PDE4D: variants seen among roughly 807,000 people sequenced by gnomAD.
PDE4D encodes the protein 3',5'-cyclic-AMP phosphodiesterase 4D.
In PDE4D, 24 loss-of-function variants were observed where a neutral mutation model predicts 87.4. That is an observed-to-expected ratio of 0.27 (90% CI 0.20 to 0.39). PDE4D has a LOEUF of 0.39. PDE4D is among the 10% of genes least tolerant of loss of function. The pLI, the probability that PDE4D is intolerant of heterozygous loss-of-function variation, is 1.00. For synonymous variants in PDE4D, 384 were observed against 383.2 expected (o/e 1.00, Z -0.02); for missense variants, 714 against 1,041.0 (o/e 0.69, Z 4.32).
chr5:60,507,551 T>C (rs1750377942), intron 1 of PDE4D, among the ~76,000 whole-genome samples: 1 of 152,136 alleles, frequency 6.6e-6, no homozygotes, highest in Admixed American at 6.6e-5. Context: ...AAGTGGAAAA[T>C]GTCTTTTTAG....
rs901083094 is a variant in PDE4D, at chr5:58,974,483, G to A, written c.*181C>T. 1.3e-5 allele frequency: 6 copies of A among 452,156 alleles called. No individual in the cohort carries two copies. Among genetic ancestry groups the A allele is most frequent in the Non-Finnish European group, 2.3e-5 (6 of 258,278 alleles). 28.0% of individuals were successfully genotyped at this position (452,156 alleles called of 1,614,324 possible). A position where few individuals can be genotyped will look rare whatever the true frequency, so the allele number is the denominator to read the frequency against. On this transcript the variant is annotated 3_prime_UTR_variant, in exon 15 of 15. Coordinates refer to ENST00000340635, the MANE Select transcript of PDE4D (RefSeq NM_001104631.2). ...GATGTCCACCTTGCTCGGATGACATGGAGGTGAAAAAACTGGTTACGATAT... is the reference window on the plus strand; with the variant it reads ...GATGTCCACCTTGCTCGGATGACATAGAGGTGAAAAAACTGGTTACGATAT...
intron 1 of PDE4D, chr5:59,276,228 T>C: frequency 1.4e-6 from 1 of 698,742 alleles, no homozygotes; most frequent in Non-Finnish European, 1.8e-6. Context: ...ACCAGCACTG[T>C]AAACCGGCCA....
In PDE4D at chr5:60,518,036, C is replaced by T. The variant is rs1309154576; in HGVS notation, n.70+4015G>A. Among the ~76,000 whole-genome samples, 3 of 152,256 alleles carry T rather than the reference C, an allele frequency of 2.0e-5. No individual in the cohort carries two copies. The East Asian group carries it at 5.8e-4, about 29-fold the overall frequency. On this transcript the variant is annotated intron_variant and non_coding_transcript_variant, in intron 1 of 2. Coordinates refer to the PDE4D transcript ENST00000506510. ...TTCCTGGCGTCTCCAAGCTTCCAGG[C>T]ACCACCACATTCCCGGGTGCCAGCA... is the stretch of plus-strand genomic sequence containing the variant.
intron 5 of PDE4D, among the ~76,000 whole-genome samples, chr5:59,126,701 T>G (rs1266804728): frequency 7.9e-5 from 12 of 152,234 alleles, no homozygotes; most frequent in African/African-American, 2.9e-4. Context: ...TGTGCCTATG[T>G]CCTTTTGTTT....
intron 1 of PDE4D, among the ~76,000 whole-genome samples, chr5:60,500,726 C>T (rs963145872): frequency 1.2e-4 from 19 of 152,200 alleles, no homozygotes; most frequent in African/African-American, 4.6e-4. Flanking sequence ...TAATCTGAGC[C>T]TCAGCTTTCT....
At chr5:59,992,533 T>C (rs1328613794) in intron 2 of PDE4D, among the ~76,000 whole-genome samples, 1 of 152,216 alleles carries the variant, frequency 6.6e-6, no homozygotes, top group Non-Finnish European at 1.5e-5. Context: ...AGGATGAGTC[T>C]AGCAAAGCTT....
chr5:60,337,388 T>TATATATATATACATACATAC (rs66871903), intron 1 of PDE4D, among the ~76,000 whole-genome samples: 1 of 89,478 alleles, frequency 1.1e-5, no homozygotes, highest in East Asian at 3.8e-4. Flanking sequence ...TATATATATA[T>TATATATATATACATACATAC]ACACACACAC....
chr5:60,071,860 T>A (rs1772755391), intron 2 of PDE4D, among the ~76,000 whole-genome samples: 1 of 152,210 alleles, frequency 6.6e-6, no homozygotes, highest in South Asian at 2.1e-4. Flanking sequence ...TCATTCCTTT[T>A]TATGGCTGCA....
At chr5:59,134,854 A>G (rs1776805911) in intron 5 of PDE4D, among the ~76,000 whole-genome samples, 1 of 152,104 alleles carries the variant, frequency 6.6e-6, no homozygotes. Context: ...CTCCAAATGT[A>G]TGAGCTCTAG....
At chr5:59,407,936 G>C (rs1243433219) in intron 1 of PDE4D, among the ~76,000 whole-genome samples, 1 of 152,174 alleles carries the variant, frequency 6.6e-6, no homozygotes, top group East Asian at 1.9e-4. Context: ...GGGAAGCAGA[G>C]CTTACAAGTG....
At chr5:59,164,650 CT>C (rs199624594) in intron 5 of PDE4D, among the ~76,000 whole-genome samples, 30 of 152,154 alleles carry the variant, frequency 2.0e-4, no homozygotes, top group African/African-American at 6.5e-4. Flanking sequence ...AAGCACATAT[CT>C]TTTTTTTAAA....
intron 1 of PDE4D, among the ~76,000 whole-genome samples, chr5:60,255,849 C>T (rs1361203297): frequency 6.6e-6 from 1 of 151,782 alleles, no homozygotes; most frequent in Non-Finnish European, 1.5e-5. Context: ...CTTAAGAAAA[C>T]ACTATGCAAC....
chr5:59,264,156 A>T (rs976989826), intron 1 of PDE4D, among the ~76,000 whole-genome samples: 3 of 151,994 alleles, frequency 2.0e-5, no homozygotes, highest in African/African-American at 7.2e-5. Flanking sequence ...TTTAAATGGC[A>T]AGCAGCCACA....
chr5:60,496,318 G>A (rs560553322), intron 1 of PDE4D, among the ~76,000 whole-genome samples: 2 of 152,298 alleles, frequency 1.3e-5, no homozygotes, highest in African/African-American at 2.4e-5. Flanking sequence ...GTCTTAAACT[G>A]CCTAAGGATG....
In PDE4D at chr5:59,228,736, A is replaced by G. The variant is rs138899055; in HGVS notation, c.456-12768T>C. Among the ~76,000 whole-genome samples, 324 of 152,160 alleles carry G rather than the reference A, an allele frequency of 2.1e-3. 1 individual carries two copies. The highest frequency in any genetic ancestry group is 7.2e-3 in the African/African-American group (298 of 41,526). On this transcript the variant is annotated intron_variant, in intron 1 of 14. Coordinates refer to ENST00000340635, the MANE Select transcript of PDE4D (RefSeq NM_001104631.2). ...TCAGAGAAAATACTACGTTCTCCCA[A>G]TGGTTTAAGGCCCTCAGTGACCTGG...
At chr5:59,300,963 G>A (rs1277789821) in intron 1 of PDE4D, among the ~76,000 whole-genome samples, 1 of 152,106 alleles carries the variant, frequency 6.6e-6, no homozygotes, top group Non-Finnish European at 1.5e-5. Context: ...AAAGGATATT[G>A]CAAATGTTAC....
intron 1 of PDE4D, among the ~76,000 whole-genome samples, chr5:59,814,380 A>G (rs754279865): frequency 2.6e-5 from 4 of 152,182 alleles, no homozygotes; most frequent in Non-Finnish European, 5.9e-5. Flanking sequence ...TGCTATCTAT[A>G]GTATTTAACA....
At chr5:59,712,893 C>A (rs1218690103) in intron 1 of PDE4D, among the ~76,000 whole-genome samples, 1 of 152,060 alleles carries the variant, frequency 6.6e-6, no homozygotes, top group African/African-American at 2.4e-5. Context: ...ATAAGGTTGA[C>A]AACTGTTTAA....
intron 3 of PDE4D, among the ~76,000 whole-genome samples, chr5:59,923,262 C>T (rs891640357): frequency 5.3e-5 from 8 of 152,220 alleles, no homozygotes; most frequent in African/African-American, 1.9e-4. Flanking sequence ...TCTCTGGATT[C>T]TCCTAGGGCA....
Sources: allele counts gnomAD v4.1 joint callset (sites outside exome capture counted in the v4.1 genomes callset), GRCh38; gene constraint gnomAD v4.1.1; transcripts MANE v1.5; gene names NCBI Gene and HGNC (gene_info 2026-07-23, HGNC 2026-07-21).